CELF2: variants seen among roughly 807,000 people sequenced by gnomAD.
CELF2 encodes the protein CUG triplet repeat RNA-binding protein 2.
CELF2 carries 8 observed loss-of-function variants against 62.6 expected under a neutral mutation model. The observed-to-expected ratio is 0.13, with a 90% CI of 0.07 to 0.23. The LOEUF is 0.23. CELF2 is among the 10% of genes least tolerant of loss of function. CELF2 has a pLI of 1.00. For synonymous variants in CELF2, 258 were observed against 250.0 expected (o/e 1.03, Z -0.30); for missense variants, 333 against 671.0 (o/e 0.50, Z 5.56).
the CELF2 span, among the ~76,000 whole-genome samples, chr10:10,744,939 A>C: frequency 1.3e-5 from 2 of 152,048 alleles, no homozygotes; most frequent in Admixed American, 1.3e-4. Context: ...CAGTTTGTAT[A>C]TGGAGTTCTC....
rs116003894 is a variant in CELF2 at position 10,856,968 on chromosome 10, C to T, written c.53+58151C>T. ...GTTGGGACATTGGACAACAAGGAAG[C>T]GTAGAATTCTGATCTTTTAGAGAAA... is the stretch of plus-strand genomic sequence containing the variant. On this transcript the variant is annotated intron_variant, in intron 1 of 13. Coordinates refer to the CELF2 transcript ENST00000636488. 8.8e-3 allele frequency among the ~76,000 whole-genome samples: 1,338 copies of T among 152,154 alleles called. 19 individuals carry two copies. The highest frequency in any genetic ancestry group is 0.03 in the African/African-American group (1,243 of 41,506).
chr10:10,792,336 G>T, the CELF2 span: 7 of 398,090 alleles, frequency 1.8e-5, no homozygotes, highest in African/African-American at 6.2e-5. Flanking sequence ...GAGTTTTTGT[G>T]GGGGAGTGGG....
At chr10:10,887,270 C>G (rs933540855) in intron 1 of CELF2, among the ~76,000 whole-genome samples, 2 of 152,086 alleles carry the variant, frequency 1.3e-5, no homozygotes, top group East Asian at 1.9e-4. Context: ...TTATCACCTT[C>G]CTTTTTACAA....
At chr10:10,787,063 G>T in the CELF2 span, among the ~76,000 whole-genome samples, 5 of 152,144 alleles carry the variant, frequency 3.3e-5, no homozygotes, top group African/African-American at 1.2e-4. Context: ...AAATTATGTG[G>T]CGTGTGTTAG....
chr10:11,236,779 A>T (rs1210002050), intron 3 of CELF2, among the ~76,000 whole-genome samples: 1 of 152,222 alleles, frequency 6.6e-6, no homozygotes, highest in Non-Finnish European at 1.5e-5. Flanking sequence ...AATGTAGAAC[A>T]GTTAGATTGG....
At chr10:11,162,876 C>T (rs551017296) in intron 1 of CELF2, among the ~76,000 whole-genome samples, 83 of 152,172 alleles carry the variant, frequency 5.5e-4, no homozygotes, top group African/African-American at 1.1e-3. Context: ...AGATGGAGTC[C>T]GCTATACCCA....
the CELF2 span, among the ~76,000 whole-genome samples, chr10:10,697,102 C>G: frequency 3.4e-5 from 5 of 146,748 alleles, no homozygotes; most frequent in Non-Finnish European, 6.0e-5. Flanking sequence ...TGATGATGTC[C>G]TGCTTTAGAA....
the CELF2 span, among the ~76,000 whole-genome samples, chr10:10,541,272 A>G: frequency 6.6e-6 from 1 of 151,040 alleles, no homozygotes; most frequent in African/African-American, 2.4e-5. Context: ...ACCCACACAC[A>G]TATAAAGGCT....
At chr10:11,136,629 A>G (rs2060480590) in intron 1 of CELF2, among the ~76,000 whole-genome samples, 2 of 152,142 alleles carry the variant, frequency 1.3e-5, no homozygotes, top group African/African-American at 4.8e-5. Flanking sequence ...TAATAGATAA[A>G]TAAATATAAA....
the CELF2 span, among the ~76,000 whole-genome samples, chr10:10,528,630 T>C: frequency 6.6e-6 from 1 of 152,176 alleles, no homozygotes; most frequent in Non-Finnish European, 1.5e-5. Flanking sequence ...ATTCTTCCTC[T>C]TGCATTTACT....
intron 9 of CELF2, among the ~76,000 whole-genome samples, chr10:11,310,891 G>A (rs1054859921): frequency 1.3e-5 from 2 of 151,858 alleles, no homozygotes; most frequent in African/African-American, 4.8e-5. Context: ...AATTAGCAAA[G>A]AATACTCATA....
the CELF2 span, among the ~76,000 whole-genome samples, chr10:10,729,132 G>A: frequency 6.6e-6 from 1 of 152,206 alleles, no homozygotes; most frequent in Admixed American, 6.5e-5. Flanking sequence ...ACCAATTTGT[G>A]AGGGAAAAAT....
intron 1 of CELF2, among the ~76,000 whole-genome samples, chr10:10,822,971 T>C (rs925752505): frequency 3.0e-4 from 45 of 152,342 alleles, no homozygotes; most frequent in African/African-American, 1.1e-3. Context: ...TTAAATTCAT[T>C]AGATAAATCC....
At chr10:11,057,105 CA>C (rs953405160) in intron 1 of CELF2, among the ~76,000 whole-genome samples, 42 of 152,206 alleles carry the variant, frequency 2.8e-4, no homozygotes, top group African/African-American at 9.9e-4. Flanking sequence ...ATCTGTGTAA[CA>C]GAGAAACAGT....
At position 11,314,525 on chromosome 10, in the gene CELF2, C is replaced by G. The variant is rs1034850815; in HGVS notation, c.1096+267C>G. On this transcript the variant is annotated intron_variant, in intron 10 of 12. Transcript: ENST00000633077. This position sits in a 1 kb window ranked among gnomAD's most constrained non-coding sequence, Gnocchi z 5.3. ...CCATGGGGTTCTGTGGCTGGCAGCTCTTTTCAGGTTTCCAGGAGTTTGGTT... is the reference window on the plus strand; with the variant it reads ...CCATGGGGTTCTGTGGCTGGCAGCTGTTTTCAGGTTTCCAGGAGTTTGGTT... The G allele has an allele frequency of 1.8e-5, 9 of 499,632 alleles. No homozygotes were observed. Among genetic ancestry groups the G allele is most frequent in the Non-Finnish European group, 3.0e-5 (8 of 270,816 alleles). The allele number at this position is 499,632 out of a possible 1,614,324, so 30.9% of individuals were successfully genotyped here. A position where few individuals can be genotyped will look rare whatever the true frequency, so the allele number is the denominator to read the frequency against.
chr10:11,086,644 T>G (rs1311943822), intron 1 of CELF2, among the ~76,000 whole-genome samples: 3 of 126,972 alleles, frequency 2.4e-5, no homozygotes, highest in Non-Finnish European at 4.7e-5. Flanking sequence ...ACAGGAGAGA[T>G]GCACAGCCTG....
At chr10:10,889,154 A>G (rs2061964236) in intron 1 of CELF2, among the ~76,000 whole-genome samples, 1 of 152,190 alleles carries the variant, frequency 6.6e-6, no homozygotes, top group Non-Finnish European at 1.5e-5. Context: ...CTAATATAAA[A>G]TGTTCATGTG....
the CELF2 span, among the ~76,000 whole-genome samples, chr10:10,579,719 A>G: frequency 2.6e-5 from 4 of 152,276 alleles, no homozygotes; most frequent in South Asian, 2.1e-4. Context: ...TTCAAAATAC[A>G]TTGAAGAAAT....
Position 11,245,085 on chromosome 10 carries a change from A to G in CELF2, c.355-4068A>G, listed in dbSNP as rs371553309. On this transcript the variant is annotated intron_variant, in intron 3 of 12. Transcript: ENST00000633077. ...CATATAGTGTCTGGTAAAAACAGAA[A>G]CACGTGAATAAACGAGCAGTCATAC... Among the ~76,000 whole-genome samples the G allele has an allele frequency of 4.6e-5, 7 of 152,326 alleles. No homozygotes were observed. The South Asian group carries it at 1.2e-3, about 27-fold the overall frequency.
Sources: gnomAD v4.1 joint callset for allele counts (sites outside exome capture counted in the v4.1 genomes callset) on GRCh38, gnomAD v4.1.1 for gene constraint, Gnocchi (gnomAD v3.1) non-coding constraint, MANE v1.5 for transcripts, NCBI Gene and HGNC (gene_info 2026-07-23, HGNC 2026-07-21) for gene names.